Variants in GREB1L observed in about 807,000 individuals in gnomAD.
The protein encoded by GREB1L is GREB1 like retinoic acid receptor coactivator.
A neutral mutation model predicts 200.8 loss-of-function variants in GREB1L; 17 were observed. That is an observed-to-expected ratio of 0.08 (90% confidence interval 0.06 to 0.13). The LOEUF (loss-of-function observed/expected upper bound fraction) is 0.13, where lower values mean the gene tolerates loss of function less well. Ranked by LOEUF, GREB1L falls within the 10% of genes least tolerant of loss-of-function variation. GREB1L has a pLI of 1.00. For missense variants in GREB1L, 1,657 were observed against 2,367.7 expected (o/e 0.70, Z 6.23); for synonymous variants, 789 against 893.0 (o/e 0.88, Z 2.08).
At position 21,525,418 on chromosome 18, in the gene GREB1L, CA is replaced by C. The variant is rs1272061015; in HGVS notation, c.*2602del. On this transcript the variant is annotated 3_prime_UTR_variant, in exon 33 of 33. Transcript: ENST00000424526. ...TATTAAAGTTATCTCCCACCCCCTC[CA>C]AAAAGTTATTTTTTCTTTATAGTTT... 1 of 152,068 alleles carries C rather than the reference CA, an allele frequency of 6.6e-6. No individual in the cohort carries two copies. The highest frequency in any genetic ancestry group is 2.4e-5 in the African/African-American group (1 of 41,406). The allele number at this position is 152,068 out of a possible 1,614,324, so 9.4% of individuals were successfully genotyped here.
At chr18:21,306,897 T>C (rs1483278885) in intron 1 of GREB1L, among the ~76,000 whole-genome samples, 1 of 152,240 alleles carries the variant, frequency 6.6e-6, no homozygotes, top group African/African-American at 2.4e-5. Context: ...CAGTAGGTTA[T>C]AGGGCACAGA....
chr18:21,345,343 G>A (rs904795283), intron 1 of GREB1L, among the ~76,000 whole-genome samples: 1 of 152,154 alleles, frequency 6.6e-6, no homozygotes, highest in Non-Finnish European at 1.5e-5. Flanking sequence ...AACTACTCTG[G>A]CTGGAACATG....
At position 21,505,413 on chromosome 18, in the gene GREB1L, T is replaced by C. The variant is rs1416684079; in HGVS notation, c.4074T>C (p.Asp1358=). 6.4e-7 allele frequency: 1 copy of C among 1,550,630 alleles called. No individual in the cohort carries two copies. The highest frequency in any genetic ancestry group is 2.0e-5 in the Admixed American group (1 of 50,988). ...DVYDEEEINT[D]HNESSEVSQS... is the part of the protein sequence containing the mutation. ...CTGCACACTTCCTTCTTGTCCTAGATCACAATGAAAGCAGTGAAGTGAGCC... is the reference window on the plus strand; with the variant it reads ...CTGCACACTTCCTTCTTGTCCTAGACCACAATGAAAGCAGTGAAGTGAGCC... The change falls in exon 24 of 33, where the codon GAT becomes GAC. Residue 1358 remains aspartate (D), a splice_region_variant and synonymous_variant. Transcript: ENST00000424526.
At chr18:21,478,455 T>C (rs1366912186) in intron 17 of GREB1L, among the ~76,000 whole-genome samples, 2 of 152,094 alleles carry the variant, frequency 1.3e-5, no homozygotes, top group Non-Finnish European at 2.9e-5. Flanking sequence ...TAAACATGTT[T>C]AAGTAAAAAA....
chr18:21,447,196 G>A (rs1439872771), intron 11 of GREB1L, among the ~76,000 whole-genome samples: 6 of 152,050 alleles, frequency 3.9e-5, no homozygotes, highest in Non-Finnish European at 7.4e-5. Context: ...GAGGCAGAAG[G>A]ATCACTTGAG....
At chr18:21,387,343 C>T (rs1320320786) in intron 4 of GREB1L, among the ~76,000 whole-genome samples, 1 of 152,120 alleles carries the variant, frequency 6.6e-6, no homozygotes, top group Non-Finnish European at 1.5e-5. Flanking sequence ...TAAGGAAATG[C>T]AGATGAAGTT....
chr18:21,473,678 TCTTG>T (rs754110696), intron 16 of GREB1L, among the ~76,000 whole-genome samples: 26 of 152,262 alleles, frequency 1.7e-4, no homozygotes, highest in Non-Finnish European at 3.1e-4. Context: ...CCTACCCTTT[TCTTG>T]CTTCCTCGAC....
chr18:21,452,367 A>C, intron 14 of GREB1L, 150 bp downstream of exon 14: 1 of 746,044 alleles, frequency 1.3e-6, no homozygotes. Context: ...GGTTGAAATT[A>C]AAAATGCTTT....
chr18:21,354,162 T>C (rs2039472851), intron 1 of GREB1L, among the ~76,000 whole-genome samples: 1 of 152,204 alleles, frequency 6.6e-6, no homozygotes, highest in South Asian at 2.1e-4. Context: ...AATGAGTAAT[T>C]TGTCCTTCCC....
chr18:21,496,863 A>G (rs1045521651), intron 21 of GREB1L, among the ~76,000 whole-genome samples, 165 bp downstream of exon 21: 6 of 152,182 alleles, frequency 3.9e-5, no homozygotes, highest in African/African-American at 1.4e-4. Flanking sequence ...TGCTTGGAAA[A>G]CATGACTGTT....
At chr18:21,444,518 T>G in intron 11 of GREB1L, 109 bp downstream of exon 11, 1 of 895,896 alleles carries the variant, frequency 1.1e-6, no homozygotes, top group Non-Finnish European at 1.7e-6. Context: ...TTTTCCCTCT[T>G]TCGCTTCTAA....
intron 5 of GREB1L, among the ~76,000 whole-genome samples, chr18:21,396,561 T>C (rs34869365): frequency 6.6e-6 from 1 of 152,174 alleles, no homozygotes; most frequent in Non-Finnish European, 1.5e-5. Context: ...TGTAAGTTAT[T>C]TGTTGTTTTT....
At chr18:21,432,657 C>T (rs1223146947) in intron 7 of GREB1L, among the ~76,000 whole-genome samples, 7 of 134,774 alleles carry the variant, frequency 5.2e-5, no homozygotes, top group African/African-American at 2.0e-4. Flanking sequence ...TCATGATTTT[C>T]GTAAGTTTTT....
Position 21,449,643 on chromosome 18 carries a change from G to A in GREB1L, c.1527G>A (p.Trp509Ter). 1 of 1,551,670 alleles carries A rather than the reference G, an allele frequency of 6.4e-7. No homozygotes were observed. The highest frequency in any genetic ancestry group is 8.7e-7 in the Non-Finnish European group (1 of 1,146,998). Residue 509 changes from tryptophan to a stop codon, truncating the protein, a stop_gained, in exon 12 of 33, where the codon TGG becomes TGA. Transcript: ENST00000424526. LOFTEE classifies it high-confidence loss of function. ...CVPVSPGQLP[W>*]LARLIASVSQ... is the part of the protein sequence containing the mutation. ...CTGTGTCACCAGGACAACTCCCCTG[G>A]CTTGCTAGATTAATTGCCAGCGTAT...
Position 21,490,032 on chromosome 18 carries a change from T to TG in GREB1L, c.2713dup (p.Val905GlyfsTer13). 1 of 1,551,724 alleles carries TG rather than the reference T, an allele frequency of 6.4e-7. No homozygotes were observed. Among genetic ancestry groups the TG allele is most frequent in the East Asian group, 2.4e-5 (1 of 40,916 alleles). ...TGAAGGTACCCCAGGCTGCACAGCA[T>TG]GGTCGTCCGCTGCTATCTTCTCATC... On this transcript the variant is annotated frameshift_variant, in exon 19 of 33. Coordinates refer to ENST00000424526, the MANE Select transcript of GREB1L (RefSeq NM_001142966.3). LOFTEE classifies it high-confidence loss of function.
At chr18:21,310,664 G>C (rs1396325902) in intron 1 of GREB1L, among the ~76,000 whole-genome samples, 1 of 152,070 alleles carries the variant, frequency 6.6e-6, no homozygotes, top group Non-Finnish European at 1.5e-5. Flanking sequence ...ACCCCCACAG[G>C]TCCCTATATC....
At chr18:21,282,249 G>A (rs2038282345) in intron 1 of GREB1L, among the ~76,000 whole-genome samples, 1 of 152,042 alleles carries the variant, frequency 6.6e-6, no homozygotes. Context: ...ATTCCAGCCT[G>A]GGCAACAGAG....
intron 1 of GREB1L, among the ~76,000 whole-genome samples, chr18:21,278,954 G>A (rs1281060457): frequency 6.6e-6 from 1 of 152,106 alleles, no homozygotes; most frequent in Non-Finnish European, 1.5e-5. Flanking sequence ...CATGTCCTAT[G>A]AAGTAGTGTT....
intron 1 of GREB1L, among the ~76,000 whole-genome samples, chr18:21,360,762 C>A (rs550016718): frequency 6.6e-6 from 1 of 152,254 alleles, no homozygotes; most frequent in South Asian, 2.1e-4. Context: ...GTTATACATG[C>A]TTTTTATTCT....
Sources: gnomAD v4.1 joint callset for allele counts (sites outside exome capture counted in the v4.1 genomes callset) on GRCh38, gnomAD v4.1.1 for gene constraint, MANE v1.5 for transcripts, NCBI Gene and HGNC (gene_info 2026-07-23, HGNC 2026-07-21) for gene names.